ADAMTS13: variants seen among roughly 807,000 people sequenced by gnomAD.
The protein encoded by ADAMTS13 is A disintegrin and metalloproteinase with thrombospondin motifs 13.
In ADAMTS13, 110 loss-of-function variants were observed where a neutral mutation model predicts 155.1. That is an observed-to-expected ratio of 0.71 (90% CI 0.61 to 0.83). ADAMTS13 has a LOEUF of 0.83. Ranked by LOEUF, ADAMTS13 falls within the 40% of genes least tolerant of loss-of-function variation. ADAMTS13 has a pLI of 0.00. For missense variants in ADAMTS13, 1,707 were observed against 1,891.7 expected, an observed-to-expected ratio of 0.90 and a Z score of 1.81; for synonymous variants, 758 against 756.4, an observed-to-expected ratio of 1.00 and a Z score of -0.03.
intron 27 of ADAMTS13, 22 bp from the exon 28 acceptor site, chr9:133,457,888 T>C (rs1336413753): frequency 6.2e-7 from 1 of 1,613,618 alleles, no homozygotes; most frequent in East Asian, 2.2e-5. Flanking sequence ...TGGGTTCCTA[T>C]GTCCCTATGT....
intron 2 of ADAMTS13, among the ~76,000 whole-genome samples, chr9:133,423,971 C>G (rs1011095410): frequency 1.3e-5 from 2 of 152,238 alleles, no homozygotes; most frequent in African/African-American, 4.8e-5. Context: ...GGGCTCCACT[C>G]GTGTTCAGTT....
At chr9:133,438,009 A>C in intron 13 of ADAMTS13, 112 bp downstream of exon 13, 2 of 1,570,624 alleles carry the variant, frequency 1.3e-6, no homozygotes, top group South Asian at 1.1e-5. Flanking sequence ...TGCCCTCTGC[A>C]GGGGAGTGGT....
Position 133,458,085 on chromosome 9 carries a change from C to T in ADAMTS13, c.3900C>T (p.Ser1300=). ...MGAGTEGANA[S]YILIRDTHSL... is the part of the protein sequence containing the mutation. The stretch of plus-strand genomic sequence containing the variant: ...CTGGGACCGAGGGAGCCAATGCCAG[C>T]TACATCTTGGTGAGGCCCAGCATGG... The change falls in exon 28 of 29, where the codon AGC becomes AGT. Residue 1300 remains serine (S), a synonymous_variant. Transcript: ENST00000355699. 1 of 1,613,376 alleles carries T rather than the reference C, an allele frequency of 6.2e-7. No homozygotes were observed. Among genetic ancestry groups the T allele is most frequent in the Non-Finnish European group, 8.5e-7 (1 of 1,179,994 alleles).
Position 133,433,395 on chromosome 9 carries a change from C to T in ADAMTS13, c.1110C>T (p.Arg370=). The change falls in exon 10 of 29, where the codon CGC becomes CGT. Residue 370 remains arginine (R), a synonymous_variant. Transcript: ENST00000355699. The part of the protein sequence containing the change: ...CGVEKWCSKG[R]CRSLVELTPI... Reference sequence around the variant, plus strand: ...CCTTGCAGTGGTGCTCCAAGGGTCGCTGCCGCTCCCTGGTGGAGCTGACCC... The same window carrying T: ...CCTTGCAGTGGTGCTCCAAGGGTCGTTGCCGCTCCCTGGTGGAGCTGACCC... 1 of 1,612,936 alleles carries T rather than the reference C, an allele frequency of 6.2e-7. No individual in the cohort carries two copies. The highest frequency in any genetic ancestry group is 8.5e-7 in the Non-Finnish European group (1 of 1,179,922).
At chr9:133,417,559 T>TC (rs1839731303), upstream of ADAMTS13, 2 of 1,553,908 alleles carry the variant, frequency 1.3e-6, no homozygotes, top group Admixed American at 3.4e-5. Context: ...AGTCTTTCCC[T>TC]CCGTCGCGTT....
chr9:133,422,316 A>C, upstream of ADAMTS13: 1 of 933,324 alleles, frequency 1.1e-6, no homozygotes, highest in Admixed American at 1.9e-5. Flanking sequence ...GGAAGCTTCC[A>C]AGAGTAAACA....
intron 8 of ADAMTS13, among the ~76,000 whole-genome samples, 185 bp from the exon 9 acceptor site, chr9:133,432,403 C>T (rs587691474): frequency 6.6e-6 from 1 of 152,368 alleles, no homozygotes; most frequent in Non-Finnish European, 1.5e-5. Flanking sequence ...AGGACCTGGT[C>T]ATGGTCCCGG....
chr9:133,424,559 T>G lies in ADAMTS13; in HGVS notation c.330+81T>G. The G allele has an allele frequency of 6.5e-7, 1 of 1,549,458 alleles. No homozygotes were observed. The highest frequency in any genetic ancestry group is 1.2e-5 in the South Asian group (1 of 84,768). Reference sequence around the variant, plus strand: ...GTCTGTGGGCTGGTGTATCTGGTAGTCTGAATACAGTGGGTTAAACTCAGG... The same window carrying G: ...GTCTGTGGGCTGGTGTATCTGGTAGGCTGAATACAGTGGGTTAAACTCAGG... On this transcript the variant is annotated intron_variant, in intron 3 of 28. Transcript: ENST00000355699. The surrounding 1 kb of genome is among the most constrained non-coding windows in gnomAD (Gnocchi z 4.3).
intron 12 of ADAMTS13, 34 bp from the exon 13 acceptor site, chr9:133,437,715 G>A (rs1554789469): frequency 1.2e-6 from 2 of 1,613,258 alleles, no homozygotes; most frequent in Non-Finnish European, 1.7e-6. Context: ...CTCCTGCTCG[G>A]TTCAGGACAC....
Position 133,448,234 on chromosome 9 carries a change from G to A in ADAMTS13, c.2732-365G>A, listed in dbSNP as rs587637348. Among the ~76,000 whole-genome samples, 52 of 151,116 alleles carry A rather than the reference G, an allele frequency of 3.4e-4. No individual in the cohort carries two copies. In the South Asian group the frequency reaches 0.01, roughly 29 times the overall value. On this transcript the variant is annotated intron_variant, in intron 21 of 28. Coordinates refer to ENST00000355699, the MANE Select transcript of ADAMTS13 (RefSeq NM_139027.6). The stretch of plus-strand genomic sequence containing the variant: ...CGAACTCCTGACCTTGTGATCCGCC[G>A]CCCAAAGTGCTGTGATTACAGGCGT...
At chr9:133,444,561 C>A (rs1841924400) in intron 19 of ADAMTS13, among the ~76,000 whole-genome samples, 1 of 152,206 alleles carries the variant, frequency 6.6e-6, no homozygotes, top group Non-Finnish European at 1.5e-5. Flanking sequence ...CTCACCTCAG[C>A]CTCCTAAAGT....
At chr9:133,443,790 T>A (rs965964554) in intron 19 of ADAMTS13, among the ~76,000 whole-genome samples, 4 of 152,174 alleles carry the variant, frequency 2.6e-5, no homozygotes, top group African/African-American at 9.7e-5. Context: ...TCCGAGCCCC[T>A]GCTCTGAAAT....
chr9:133,414,992 G>A, intron 1 of ADAMTS13: 1 of 1,582,722 alleles, frequency 6.3e-7, no homozygotes, highest in East Asian at 2.2e-5. Context: ...TGGGGCCTGA[G>A]ATTTTTGTTT....
chr9:133,416,353 G>A (rs925148717), intron 1 of ADAMTS13, among the ~76,000 whole-genome samples: 8 of 152,156 alleles, frequency 5.3e-5, no homozygotes, highest in South Asian at 2.1e-4. Context: ...CACCACTGGG[G>A]ATCACATTTC....
At chr9:133,443,823 A>C (rs1016766348) in intron 19 of ADAMTS13, among the ~76,000 whole-genome samples, 1 of 151,750 alleles carries the variant, frequency 6.6e-6, no homozygotes, top group Non-Finnish European at 1.5e-5. Context: ...CTGCCTGGGG[A>C]GGGGGGGCTT....
chr9:133,421,634 G>A (rs1839962298), upstream of ADAMTS13, among the ~76,000 whole-genome samples: 1 of 152,190 alleles, frequency 6.6e-6, no homozygotes, highest in South Asian at 2.1e-4. Context: ...AACATTTGTT[G>A]GCTGAAGGAA....
intron 16 of ADAMTS13, among the ~76,000 whole-genome samples, chr9:133,442,137 G>A (rs1032194293): frequency 3.0e-4 from 45 of 152,122 alleles, no homozygotes; most frequent in African/African-American, 1.1e-3. Flanking sequence ...TGTTTTTTTA[G>A]AGAGGGTCTC....
chr9:133,418,363 G>T (rs2130755890), upstream of ADAMTS13, among the ~76,000 whole-genome samples: 1 of 152,332 alleles, frequency 6.6e-6, no homozygotes, highest in East Asian at 1.9e-4. Context: ...AGCCTTTCCC[G>T]CCTTGGGCTG....
At chr9:133,430,796 G>A (rs2130810887) in intron 8 of ADAMTS13, among the ~76,000 whole-genome samples, 1 of 151,546 alleles carries the variant, frequency 6.6e-6, no homozygotes, top group Middle Eastern at 3.4e-3. Flanking sequence ...GAGTAGCTGG[G>A]ACTACAGGCG....
Sources: allele counts gnomAD v4.1 joint callset (sites outside exome capture counted in the v4.1 genomes callset), GRCh38; gene constraint gnomAD v4.1.1; non-coding constraint Gnocchi (gnomAD v3.1); transcripts MANE v1.5; gene names NCBI Gene and HGNC (gene_info 2026-07-23, HGNC 2026-07-21).